The following HEATR4 variants were observed in gnomAD, a reference collection of about 807,000 sequenced individuals.
HEATR4 encodes HEAT repeat-containing protein 4.
Under a neutral mutation model 108.8 loss-of-function variants are expected in HEATR4, and 95 were observed. The observed-to-expected ratio is 0.87, with a 90% CI of 0.74 to 1.04. The LOEUF (loss-of-function observed/expected upper bound fraction) is 1.04. Among genes scored for constraint, HEATR4 ranks in the 50% least tolerant of loss-of-function variants. HEATR4 has a pLI of 0.00. For synonymous variants in HEATR4, 443 were observed against 459.4 expected, an observed-to-expected ratio of 0.96 and a Z score of 0.46; for missense variants, 1,152 against 1,253.8, an observed-to-expected ratio of 0.92 and a Z score of 1.23.
At chr14:73,631,752 G>C in the HEATR4 span, 1 of 154,516 alleles carries the variant, frequency 6.5e-6, no homozygotes, top group East Asian at 1.9e-4. Flanking sequence ...GTATAACTGA[G>C]ACCACCTGGC....
chr14:73,498,206 C>T lies in HEATR4; in HGVS notation c.2495G>A (p.Arg832Lys). 7 of 1,614,044 alleles carry T rather than the reference C, an allele frequency of 4.3e-6. No homozygotes were observed. The highest frequency in any genetic ancestry group is 5.9e-6 in the Non-Finnish European group (7 of 1,179,978). ...GAGCAGCACGTCTAGGAAGGTGTCC[C>T]TGACCCGGTCCCCTTGAAGTTTCAG... ...LALKLQGDRV[R>K]DTFLDVLLLE... The change falls in exon 14 of 18, where the codon AGG (arginine) becomes AAG (lysine). Residue 832 changes from arginine to lysine, a missense_variant. Coordinates refer to ENST00000553558, the MANE Select transcript of HEATR4 (RefSeq NM_001220484.1).
chr14:73,575,568 C>G, the HEATR4 span: 4 of 1,544,546 alleles, frequency 2.6e-6, no homozygotes, highest in Non-Finnish European at 3.5e-6. Context: ...AAACATCTGC[C>G]ACATTTAGTG....
chr14:73,590,459 A>C, the HEATR4 span, among the ~76,000 whole-genome samples: 1 of 152,264 alleles, frequency 6.6e-6, no homozygotes, highest in East Asian at 1.9e-4. Context: ...GCTGCCTGCC[A>C]GTCCCGCGCC....
intron 6 of HEATR4, among the ~76,000 whole-genome samples, chr14:73,512,398 C>A (rs936974089): frequency 2.0e-5 from 3 of 152,180 alleles, no homozygotes; most frequent in African/African-American, 7.2e-5. Context: ...TTCTTTAAAT[C>A]ACTTTTCGTT....
the HEATR4 span, chr14:73,616,975 T>C: frequency 1.5e-6 from 1 of 648,064 alleles, no homozygotes; most frequent in South Asian, 1.9e-5. Context: ...CCCTGTGATT[T>C]GTGATGTTCT....
chr14:73,588,396 G>C, the HEATR4 span, among the ~76,000 whole-genome samples: 6 of 152,132 alleles, frequency 3.9e-5, no homozygotes, highest in Admixed American at 3.3e-4. Context: ...TCATTGTCAG[G>C]TACCTGCTCA....
intron 17 of HEATR4, chr14:73,491,570 C>A (rs1595082548): frequency 6.5e-7 from 1 of 1,541,744 alleles, no homozygotes; most frequent in Non-Finnish European, 8.7e-7. Flanking sequence ...GGACTCCCCG[C>A]TGCGGCGCGT....
chr14:73,560,149 T>G (rs935468926), upstream of HEATR4, among the ~76,000 whole-genome samples: 5 of 152,168 alleles, frequency 3.3e-5, no homozygotes, highest in Non-Finnish European at 5.9e-5. Flanking sequence ...CAAGAGTCCC[T>G]TTGTGAAACA....
chr14:73,492,098 C>G lies in HEATR4; in HGVS notation c.2844+968G>C, dbSNP rs765714311. On this transcript the variant is annotated intron_variant, in intron 17 of 17. Transcript: ENST00000553558. This position sits in a 1 kb window ranked among gnomAD's most constrained non-coding sequence, Gnocchi z 4.9. ...AGGTAGGAAACTCTGGCGTGTATAC[C>G]GACCCCGAGTCCCAACCGAGGAACT... is the stretch of plus-strand genomic sequence containing the variant. The G allele has an allele frequency of 1.9e-6, 3 of 1,613,952 alleles. No homozygotes were observed. Among genetic ancestry groups the G allele is most frequent in the South Asian group, 2.2e-5 (2 of 91,088 alleles).
intron 12 of HEATR4, among the ~76,000 whole-genome samples, chr14:73,499,881 G>T (rs1292160554): frequency 6.6e-6 from 1 of 152,184 alleles, no homozygotes; most frequent in Admixed American, 6.5e-5. Context: ...TGTCCAACAT[G>T]TGGCCTAGGA....
the HEATR4 span, among the ~76,000 whole-genome samples, chr14:73,624,179 GT>G: frequency 1.3e-5 from 2 of 151,934 alleles, no homozygotes; most frequent in Admixed American, 1.3e-4. Flanking sequence ...CTGGAGTGCA[GT>G]GGTGCAATCT....
chr14:73,513,106 C>G (rs982878590), intron 6 of HEATR4, among the ~76,000 whole-genome samples: 9 of 152,182 alleles, frequency 5.9e-5, no homozygotes, highest in African/African-American at 2.2e-4. Flanking sequence ...AATGGTTGGA[C>G]AGCATATTTT....
chr14:73,506,804 G>GTT lies in HEATR4; in HGVS notation c.1882-235_1882-234dup, dbSNP rs34660727. Among the ~76,000 whole-genome samples the GTT allele has an allele frequency of 4.8e-4, 39 of 80,480 alleles. 3 individuals carry two copies. Among genetic ancestry groups the GTT allele is most frequent in the East Asian group, 4.0e-3 (7 of 1,738 alleles). 52.8% of individuals were successfully genotyped at this position (80,480 alleles called of 152,430 possible). On this transcript the variant is annotated intron_variant, in intron 9 of 17. Transcript: ENST00000553558. ...GGACCTTCCTTTCCTGACTTTAACTGTTTTTTTTTTTTTTTTTTTTTCTGA... is the reference window on the plus strand; with the variant it reads ...GGACCTTCCTTTCCTGACTTTAACTGTTTTTTTTTTTTTTTTTTTTTTTCTGA...
the HEATR4 span, among the ~76,000 whole-genome samples, chr14:73,583,096 C>A: frequency 6.6e-6 from 1 of 152,052 alleles, no homozygotes; most frequent in Non-Finnish European, 1.5e-5. Context: ...ATAATCCCAG[C>A]ACTTTGGGAG....
chr14:73,555,458 A>C (rs907773515), intron 1 of HEATR4, among the ~76,000 whole-genome samples: 1 of 108,148 alleles, frequency 9.2e-6, no homozygotes, highest in Non-Finnish European at 1.9e-5. Flanking sequence ...AGTTAAAAAA[A>C]AAAAAGTGAG....
chr14:73,513,485 G>A (rs1243761095), intron 6 of HEATR4, among the ~76,000 whole-genome samples: 3 of 151,226 alleles, frequency 2.0e-5, no homozygotes, highest in Admixed American at 1.3e-4. Context: ...GGGCTGGCGC[G>A]GTGGCCAAGG....
In HEATR4 at chr14:73,509,810, C is replaced by CTATATATATATA. The variant is rs1887091045; in HGVS notation, c.1559-338_1559-337insTATATATATATA. Among the ~76,000 whole-genome samples, 10 of 63,198 alleles carry CTATATATATATA rather than the reference C, an allele frequency of 1.6e-4. 3 individuals are homozygous for CTATATATATATA. The highest frequency in any genetic ancestry group is 4.7e-4 in the South Asian group (1 of 2,118). The allele number at this position is 63,198 out of a possible 152,430, so 41.5% of individuals were successfully genotyped here. A position where few individuals can be genotyped will look rare whatever the true frequency, so the allele number is the denominator to read the frequency against. On this transcript the variant is annotated intron_variant, in intron 7 of 17. Coordinates refer to ENST00000553558, the MANE Select transcript of HEATR4 (RefSeq NM_001220484.1). ...AAAGCAACCAATTTGCCCCATGAGC[C>CTATATATATATA]CATATATATATATATATATATATAT...
the HEATR4 span, among the ~76,000 whole-genome samples, chr14:73,618,805 T>A: frequency 3.3e-5 from 5 of 152,114 alleles, no homozygotes; most frequent in Non-Finnish European, 7.4e-5. Context: ...CTTTGCAGAT[T>A]GTTGGATACG....
chr14:73,589,520 T>C, the HEATR4 span, among the ~76,000 whole-genome samples: 5 of 152,306 alleles, frequency 3.3e-5, no homozygotes, highest in East Asian at 7.7e-4. Flanking sequence ...GGTTTCACCA[T>C]GTTGGACAGG....
Sources: allele counts gnomAD v4.1 joint callset (sites outside exome capture counted in the v4.1 genomes callset), GRCh38; gene constraint gnomAD v4.1.1; non-coding constraint Gnocchi (gnomAD v3.1); transcripts MANE v1.5; gene names NCBI Gene and HGNC (gene_info 2026-07-23, HGNC 2026-07-21).